CCDC88B: variants seen among roughly 807,000 people sequenced by gnomAD.
The protein encoded by CCDC88B is coiled-coil domain-containing protein 88B.
A neutral mutation model predicts 183.7 loss-of-function variants in CCDC88B; 138 were observed. The ratio of observed to expected loss-of-function variants is 0.75; its 90% CI spans 0.65 to 0.87. The LOEUF (loss-of-function observed/expected upper bound fraction) is 0.87. Ranked by LOEUF, CCDC88B falls within the 40% of genes least tolerant of loss-of-function variation. CCDC88B has a pLI of 0.00. For synonymous variants in CCDC88B, 835 were observed against 867.5 expected, an observed-to-expected ratio of 0.96 and a Z score of 0.66; for missense variants, 1,822 against 1,965.6, an observed-to-expected ratio of 0.93 and a Z score of 1.38.
rs1467507005 is a variant in CCDC88B, at chr11:64,351,225, G to C, written c.2928G>C (p.Gln976His). 2 of 1,530,672 alleles carry C rather than the reference G, an allele frequency of 1.3e-6. No homozygotes were observed. Among genetic ancestry groups the C allele is most frequent in the Non-Finnish European group, 1.8e-6 (2 of 1,139,450 alleles). The allele number at this position is 1,530,672 out of a possible 1,614,324, so 94.8% of individuals were successfully genotyped here. The stretch of plus-strand genomic sequence containing the variant: ...CGGAGCCTCAGCTGGTGGAGACCCA[G>C]AATGTGCGGCTTATTGAGGTGGAGC... ...KRAEPQLVETQNVRLIEVERS... is the reference protein window; with the variant it reads ...KRAEPQLVETHNVRLIEVERS... Residue 976 changes from glutamine to histidine, a missense_variant, in exon 17 of 27, where the codon CAG becomes CAC. Transcript: ENST00000356786.
chr11:64,346,154 G>T (rs889507061), intron 14 of CCDC88B, among the ~76,000 whole-genome samples: 2 of 152,220 alleles, frequency 1.3e-5, no homozygotes, highest in African/African-American at 4.8e-5. Context: ...CTGCGCTTGA[G>T]GAGGGTCACC....
Position 64,343,174 on chromosome 11 carries a change from A to C in CCDC88B, c.1063-5A>C, listed in dbSNP as rs1303894955. 6.6e-7 allele frequency: 1 copy of C among 1,526,244 alleles called. No homozygotes were observed. The highest frequency in any genetic ancestry group is 2.5e-5 in the East Asian group (1 of 40,416). 94.5% of individuals were successfully genotyped at this position (1,526,244 alleles called of 1,614,324 possible). ...GGCTACCGGTTCTCCCTGCTCTCCC[A>C]CCAGGAGGAGCGGGTGCTCTCGGGG... is the stretch of plus-strand genomic sequence containing the variant. On this transcript the variant is annotated splice_region_variant and splice_polypyrimidine_tract_variant and intron_variant, in intron 10 of 26. Coordinates refer to ENST00000356786, the MANE Select transcript of CCDC88B (RefSeq NM_032251.6).
At chr11:64,349,002 C>A in intron 14 of CCDC88B, 1 of 717,474 alleles carries the variant, frequency 1.4e-6, no homozygotes, top group South Asian at 1.5e-5. Context: ...GGCAGCCCAC[C>A]GGGCGCATCC....
At chr11:64,341,823 A>T in intron 7 of CCDC88B, 81 bp downstream of exon 7, 2 of 1,470,292 alleles carry the variant, frequency 1.4e-6, no homozygotes, top group Non-Finnish European at 1.8e-6. Context: ...GGGAGATGGA[A>T]GTTTGGGGCC....
In CCDC88B at chr11:64,349,557, G is replaced by A. The variant is rs375567063; in HGVS notation, c.2751G>A (p.Gln917=). 24 of 1,600,200 alleles carry A rather than the reference G, an allele frequency of 1.5e-5. No homozygotes were observed. The African/African-American group carries it at 3.2e-4, about 21-fold the overall frequency. Residue 917 remains glutamine (Q), a synonymous_variant, in exon 16 of 27, where the codon CAG becomes CAA. Coordinates refer to ENST00000356786, the MANE Select transcript of CCDC88B (RefSeq NM_032251.6). ...CTAAGGATTCTCCTGGCAGGTACCAGGGCTTGGAGCAGCGGCTGGAAGCTG... is the reference window on the plus strand; with the variant it reads ...CTAAGGATTCTCCTGGCAGGTACCAAGGCTTGGAGCAGCGGCTGGAAGCTG... The part of the protein sequence containing the change: ...REKESQHQRY[Q]GLEQRLEAEL...
rs749483043 is a variant in CCDC88B, at chr11:64,344,698, C to G, written c.2157C>G (p.Ser719Arg). 8.7e-6 allele frequency: 14 copies of G among 1,614,008 alleles called. No homozygotes were observed. Among genetic ancestry groups the G allele is most frequent in the East Asian group, 4.5e-5 (2 of 44,886 alleles). Residue 719 changes from serine to arginine, a missense_variant, in exon 14 of 27, where the codon AGC becomes AGG. Transcript: ENST00000356786. This position sits in a 1 kb window ranked among gnomAD's most constrained non-coding sequence, Gnocchi z 4.5. ...QVWEGPIPGE[S>R]LASGVAEQEA... ...GGGAAGGCCCAATCCCAGGGGAGAG[C>G]CTGGCCAGTGGTGTCGCAGAGCAGG...
chr11:64,345,260 A>T (rs939830410), intron 14 of CCDC88B, 103 bp downstream of exon 14: 22 of 1,311,304 alleles, frequency 1.7e-5, no homozygotes, highest in African/African-American at 4.4e-5. Flanking sequence ...CCCAGCACTG[A>T]GCTGGGGCTG....
chr11:64,355,084 C>T lies in CCDC88B; in HGVS notation c.4100-110C>T, dbSNP rs115133970. On this transcript the variant is annotated intron_variant, in intron 24 of 26. Coordinates refer to ENST00000356786, the MANE Select transcript of CCDC88B (RefSeq NM_032251.6). ...CTCAGCACCCCCTCCCCTTGTCTGACCCCCTCCCTGCGTGAGCCTCAGCCT... is the reference window on the plus strand; with the variant it reads ...CTCAGCACCCCCTCCCCTTGTCTGATCCCCTCCCTGCGTGAGCCTCAGCCT... 5.0e-4 allele frequency: 270 copies of T among 535,034 alleles called. 4 individuals are homozygous for T. In the African/African-American group the frequency reaches 5.3e-3, roughly 11 times the overall value. The allele number at this position is 535,034 out of a possible 1,614,324, so 33.1% of individuals were successfully genotyped here.
rs146686061 is a variant in CCDC88B, at chr11:64,344,016, C to T, written c.1475C>T (p.Pro492Leu). ...PGGQHPLLEA[P>L]REDPVLPVLE... Reference sequence around the variant, plus strand: ...CCTCAGCACCCCCTGCTGGAGGCACCGAGAGAGGACCCTGTTCTTCCAGTG... The same window carrying T: ...CCTCAGCACCCCCTGCTGGAGGCACTGAGAGAGGACCCTGTTCTTCCAGTG... Residue 492 changes from proline to leucine, a missense_variant, in exon 14 of 27, where the codon CCG becomes CTG. Pro to Leu is a moderately conservative substitution (Grantham distance 98, BLOSUM62 -3). Transcript: ENST00000356786. This position sits in a 1 kb window ranked among gnomAD's most constrained non-coding sequence, Gnocchi z 4.5. 6.4e-4 allele frequency: 1,000 copies of T among 1,559,776 alleles called. 9 individuals carry two copies. Among genetic ancestry groups the T allele is most frequent in the Non-Finnish European group, 3.3e-4 (375 of 1,151,472 alleles).
In CCDC88B at chr11:64,344,916, G is replaced by A. The variant is rs761333552; in HGVS notation, c.2375G>A (p.Arg792Gln). ...EAEAQAWEQA[R>Q]LREAVEAAGQ... Reference sequence around the variant, plus strand: ...GAGGCCCAGGCCTGGGAGCAAGCCCGGCTGCGGGAGGCAGTGGAGGCTGCT... The same window carrying A: ...GAGGCCCAGGCCTGGGAGCAAGCCCAGCTGCGGGAGGCAGTGGAGGCTGCT... Residue 792 changes from arginine to glutamine, a missense_variant, in exon 14 of 27, where the codon CGG (arginine) becomes CAG (glutamine). Physicochemically the swap from Arg to Gln is conservative, Grantham distance 43 (BLOSUM62 1). Coordinates refer to ENST00000356786, the MANE Select transcript of CCDC88B (RefSeq NM_032251.6). The surrounding 1 kb of genome is among the most constrained non-coding windows in gnomAD (Gnocchi z 4.5). 10 of 1,572,102 alleles carry A rather than the reference G, an allele frequency of 6.4e-6. No homozygotes were observed. Among genetic ancestry groups the A allele is most frequent in the East Asian group, 4.7e-5 (2 of 42,742 alleles).
Position 64,344,940 on chromosome 11 carries a change from C to T in CCDC88B, c.2399C>T (p.Ala800Val), listed in dbSNP as rs933289810. The T allele has an allele frequency of 6.4e-7, 1 of 1,558,786 alleles. No homozygotes were observed. Residue 800 changes from alanine (A) to valine (V), a missense_variant, in exon 14 of 27, where the codon GCT (alanine) becomes GTT (valine). Transcript: ENST00000356786. The surrounding 1 kb of genome is among the most constrained non-coding windows in gnomAD (Gnocchi z 4.5). ...CGGCTGCGGGAGGCAGTGGAGGCTG[C>T]TGGCCAGGAGCTGGAGTCTGCGTCC... ...QARLREAVEA[A>V]GQELESASQE...
Position 64,352,774 on chromosome 11 carries a change from C to G in CCDC88B, c.3387C>G (p.Ser1129Arg). 6.2e-7 allele frequency: 1 copy of G among 1,613,518 alleles called. No homozygotes were observed. The highest frequency in any genetic ancestry group is 8.5e-7 in the Non-Finnish European group (1 of 1,179,984). Residue 1129 changes from serine (S) to arginine (R), a missense_variant, in exon 20 of 27, where the codon AGC becomes AGG. By Grantham distance (110) the Ser-to-Arg change is moderately radical. Transcript: ENST00000356786. ...AGCAGCTGCAGGCCCAGCGGGCCAG[C>G]GTGGAGGCACAGGAGGTGGCCCTGC... is the stretch of plus-strand genomic sequence containing the variant. Reference protein sequence around the residue: ...RHEQLQAQRASVEAQEVALLA... With the variant: ...RHEQLQAQRARVEAQEVALLA...
Position 64,345,034 on chromosome 11 carries a change from G to A in CCDC88B, c.2493G>A (p.Glu831=). 6.5e-7 allele frequency: 1 copy of A among 1,548,764 alleles called. No homozygotes were observed. ...GGGAGCGGAGGCAGTGGGAGCGTGA[G>A]GGGTCCAGGCTGCGGGCCCAGTCGG... ...AGRERRQWER[E]GSRLRAQSEA... The change falls in exon 14 of 27, where the codon GAG becomes GAA. Residue 831 remains glutamate (E), a synonymous_variant. Coordinates refer to ENST00000356786, the MANE Select transcript of CCDC88B (RefSeq NM_032251.6).
rs1452847625 is a variant in CCDC88B, at chr11:64,342,810, G to A, written c.1062+130G>A. ...GACAGTCACAGGTGGAGAAATGGGT[G>A]AGGACAAATTCAGGGAGGTGGCGTC... is the stretch of plus-strand genomic sequence containing the variant. On this transcript the variant is annotated intron_variant, in intron 10 of 26. Coordinates refer to ENST00000356786, the MANE Select transcript of CCDC88B (RefSeq NM_032251.6). The A allele has an allele frequency of 6.9e-6, 8 of 1,159,872 alleles. No homozygotes were observed. The East Asian group carries it at 8.3e-5, about 12-fold the overall frequency. 71.8% of individuals were successfully genotyped at this position (1,159,872 alleles called of 1,614,324 possible).
Position 64,345,162 on chromosome 11 carries a change from G to C in CCDC88B, c.2616+5G>C. 1 of 1,538,280 alleles carries C rather than the reference G, an allele frequency of 6.5e-7. No homozygotes were observed. Among genetic ancestry groups the C allele is most frequent in the Non-Finnish European group, 8.7e-7 (1 of 1,148,260 alleles). ...GAGAAGGAGGCCCTCCAGGCGGTAGGTCAGGTTGGGGCTCACCGCTGGGGT... is the reference window on the plus strand; with the variant it reads ...GAGAAGGAGGCCCTCCAGGCGGTAGCTCAGGTTGGGGCTCACCGCTGGGGT... On this transcript the variant is annotated splice_donor_5th_base_variant and intron_variant, in intron 14 of 26. Transcript: ENST00000356786.
intron 18 of CCDC88B, 25 bp from the exon 19 acceptor site, chr11:64,352,105 C>A: frequency 4.6e-6 from 7 of 1,521,504 alleles, no homozygotes; most frequent in South Asian, 1.3e-5. Flanking sequence ...TCCCCAGCAG[C>A]CCCTGCTTCC....
chr11:64,353,037 T>C lies in CCDC88B; in HGVS notation c.3501-17T>C. 1 of 1,573,514 alleles carries C rather than the reference T, an allele frequency of 6.4e-7. No homozygotes were observed. Among genetic ancestry groups the C allele is most frequent in the Non-Finnish European group, 8.6e-7 (1 of 1,158,962 alleles). ...GGACCCAGGTCCCTTGGAGAGCAGCTCTCCTTGCCTCCCAAGGGCTCAGAT... is the reference window on the plus strand; with the variant it reads ...GGACCCAGGTCCCTTGGAGAGCAGCCCTCCTTGCCTCCCAAGGGCTCAGAT... On this transcript the variant is annotated splice_polypyrimidine_tract_variant and intron_variant, in intron 20 of 26. Coordinates refer to ENST00000356786, the MANE Select transcript of CCDC88B (RefSeq NM_032251.6).
chr11:64,343,482 T>C (rs2035970342), intron 11 of CCDC88B, 25 bp from the exon 12 acceptor site: 1 of 1,550,394 alleles, frequency 6.4e-7, no homozygotes, highest in African/African-American at 1.4e-5. Context: ...GTGGAGGGCT[T>C]GTCTGACCCT....
chr11:64,349,929 G>A (rs964511835), intron 16 of CCDC88B: 8 of 544,584 alleles, frequency 1.5e-5, no homozygotes, highest in Admixed American at 6.2e-5. Context: ...TGTCTCACCC[G>A]AGGTCCTCCA....
Sources: allele counts gnomAD v4.1 joint callset (sites outside exome capture counted in the v4.1 genomes callset), GRCh38; gene constraint gnomAD v4.1.1; non-coding constraint Gnocchi (gnomAD v3.1); transcripts MANE v1.5; gene names NCBI Gene and HGNC (gene_info 2026-07-23, HGNC 2026-07-21).